The following CD1B variants were observed in gnomAD, a reference collection of about 807,000 sequenced individuals.
CD1B encodes CD1b molecule.
In CD1B, 43 loss-of-function variants were observed where a neutral mutation model predicts 39.8. The ratio of observed to expected loss-of-function variants is 1.08; its 90% CI spans 0.85 to 1.39. The LOEUF is 1.39. Among genes scored for constraint, CD1B ranks in the 40% most tolerant of loss-of-function variants. The pLI is 0.00. For synonymous variants in CD1B, 192 were observed against 152.5 expected (o/e 1.26, Z -1.91); for missense variants, 495 against 403.8 (o/e 1.23, Z -1.94).
At chr1:158,323,339 A>AT (rs1652251346), downstream of CD1B, among the ~76,000 whole-genome samples, 1 of 151,172 alleles carries the variant, frequency 6.6e-6, no homozygotes, top group African/African-American at 2.4e-5. Context: ...TTTCTGTTAG[A>AT]TTTTTCATTA....
intron 5 of CD1B, among the ~76,000 whole-genome samples, 173 bp downstream of exon 5, chr1:158,328,748 T>G (rs1038227264): frequency 1.3e-5 from 2 of 152,166 alleles, no homozygotes; most frequent in Non-Finnish European, 2.9e-5. Context: ...ATGTTATGTG[T>G]ATTTTAACAG....
chr1:158,315,061 G>A, the CD1B span, among the ~76,000 whole-genome samples: 15 of 149,792 alleles, frequency 1.0e-4, no homozygotes, highest in African/African-American at 3.7e-4. Context: ...TATCATTGTT[G>A]GACATTTGGG....
chr1:158,293,063 T>C, the CD1B span: 1 of 880,918 alleles, frequency 1.1e-6, no homozygotes, highest in Non-Finnish European at 1.8e-6. Flanking sequence ...TGAGGAATCC[T>C]TCCTTGAGTA....
At chr1:158,312,118 A>G in the CD1B span, among the ~76,000 whole-genome samples, 1 of 152,114 alleles carries the variant, frequency 6.6e-6, no homozygotes, top group African/African-American at 2.4e-5. Flanking sequence ...AATTATTTCA[A>G]TCTGTGAACA....
Position 158,331,369 on chromosome 1 carries a change from C to A in CD1B, c.55G>T (p.Glu19Ter). The A allele has an allele frequency of 1.2e-6, 2 of 1,613,786 alleles. No individual in the cohort carries two copies. The highest frequency in any genetic ancestry group is 2.2e-5 in the South Asian group (2 of 91,046). ...CTGCCAGAGTGACTCTTACCATGTT[C>A]ACTGTTACCACCAGGAAAGAGAACA... ...LAVLFPGGNS[E>*]HAFQGPTSFH... Residue 19 changes from glutamate (E) to a stop codon, truncating the protein, a stop_gained, in exon 1 of 6, where the codon GAA (glutamate) becomes TAA (stop). Coordinates refer to ENST00000368168, the MANE Select transcript of CD1B (RefSeq NM_001764.3). LOFTEE classifies it high-confidence loss of function.
At chr1:158,308,756 G>T in the CD1B span, among the ~76,000 whole-genome samples, 9 of 152,330 alleles carry the variant, frequency 5.9e-5, no homozygotes, top group African/African-American at 2.2e-4. Flanking sequence ...AATAAATGGT[G>T]CTGGGAAAAC....
Position 158,329,472 on chromosome 1 carries a change from A to G in CD1B, c.784T>C (p.Tyr262His), listed in dbSNP as rs1301013528. 1.9e-6 allele frequency: 3 copies of G among 1,614,114 alleles called. No individual in the cohort carries two copies. The South Asian group carries it at 3.3e-5, about 18-fold the overall frequency. The change falls in exon 4 of 6, where the codon TAT becomes CAT. Residue 262 changes from tyrosine (Y) to histidine (H), a missense_variant. Tyr to His is a moderately conservative substitution (Grantham distance 83, BLOSUM62 2). Coordinates refer to ENST00000368168, the MANE Select transcript of CD1B (RefSeq NM_001764.3). Reference sequence around the variant, plus strand: ...GCCACATCCAGGGTTGCTCGGAGATACCATGTCCAGTTAGCATTGGGCAGG... The same window carrying G: ...GCCACATCCAGGGTTGCTCGGAGATGCCATGTCCAGTTAGCATTGGGCAGG... ...DILPNANWTW[Y>H]LRATLDVADG...
the CD1B span, among the ~76,000 whole-genome samples, chr1:158,320,647 C>T: frequency 6.6e-6 from 1 of 152,296 alleles, no homozygotes; most frequent in South Asian, 2.1e-4. Flanking sequence ...GAGCTGTAGA[C>T]CGGAGCTCTT....
At chr1:158,292,522 CATGTGGATGTGTGT>C in the CD1B span, 5 of 1,525,630 alleles carry the variant, frequency 3.3e-6, no homozygotes, top group Non-Finnish European at 4.5e-6. Flanking sequence ...TGTGCATATT[CATGTGGATGTGTGT>C]ATGTGGATGT....
chr1:158,303,349 C>A, the CD1B span, among the ~76,000 whole-genome samples: 1 of 152,178 alleles, frequency 6.6e-6, no homozygotes, highest in East Asian at 1.9e-4. Flanking sequence ...AAGCTTGAAG[C>A]ATTCCCTTTG....
chr1:158,308,790 G>A, the CD1B span, among the ~76,000 whole-genome samples: 1 of 152,178 alleles, frequency 6.6e-6, no homozygotes, highest in Non-Finnish European at 1.5e-5. Context: ...GTAGAAAGCT[G>A]AAACTGGATC....
intron 4 of CD1B, 56 bp from the exon 5 acceptor site, chr1:158,329,070 C>G: frequency 1.4e-6 from 2 of 1,424,912 alleles, no homozygotes; most frequent in Non-Finnish European, 9.7e-7. Flanking sequence ...CACAGAATTC[C>G]TTGGCCTTCC....
chr1:158,309,780 A>T, the CD1B span, among the ~76,000 whole-genome samples: 1 of 145,054 alleles, frequency 6.9e-6, no homozygotes, highest in Non-Finnish European at 1.5e-5. Context: ...GAATTGAACA[A>T]TGAGAACACA....
the CD1B span, among the ~76,000 whole-genome samples, chr1:158,321,049 C>A: frequency 1.3e-5 from 2 of 152,098 alleles, no homozygotes; most frequent in Non-Finnish European, 2.9e-5. Context: ...GTTTAACTCT[C>A]ATTTTTTGTT....
At chr1:158,320,873 CA>C in the CD1B span, among the ~76,000 whole-genome samples, 1 of 152,014 alleles carries the variant, frequency 6.6e-6, no homozygotes, top group Admixed American at 6.6e-5. Flanking sequence ...TTGAAAAAAA[CA>C]TTTTTTGATT....
At chr1:158,319,216 G>T in the CD1B span, among the ~76,000 whole-genome samples, 338 of 151,436 alleles carry the variant, frequency 2.2e-3, 1 homozygote, top group African/African-American at 8.0e-3. Context: ...GGCCTGCCTT[G>T]CTAGATTGGG....
chr1:158,294,674 C>T, the CD1B span, among the ~76,000 whole-genome samples: 2 of 152,282 alleles, frequency 1.3e-5, no homozygotes, highest in South Asian at 4.2e-4. Flanking sequence ...ACACCAACAA[C>T]CTGGCATTCT....
chr1:158,329,768 GT>G, intron 3 of CD1B, 83 bp downstream of exon 3: 1 of 1,557,402 alleles, frequency 6.4e-7, no homozygotes, highest in Middle Eastern at 1.7e-4. Flanking sequence ...CAAATAACTT[GT>G]TATTTAAGCT....
downstream of CD1B, among the ~76,000 whole-genome samples, chr1:158,327,160 C>T (rs995876140): frequency 1.6e-4 from 25 of 152,142 alleles, no homozygotes; most frequent in African/African-American, 6.0e-4. Flanking sequence ...GCAGATTGGT[C>T]TATTTTACAG....
Sources: allele counts gnomAD v4.1 joint callset (sites outside exome capture counted in the v4.1 genomes callset), GRCh38; gene constraint gnomAD v4.1.1; transcripts MANE v1.5; gene names NCBI Gene and HGNC (gene_info 2026-07-23, HGNC 2026-07-21).